The following ARHGAP26 variants were observed in gnomAD, a reference collection of about 807,000 sequenced individuals.
The protein encoded by ARHGAP26 is rho GTPase-activating protein 26.
A neutral mutation model predicts 104.8 loss-of-function variants in ARHGAP26; 38 were observed. The ratio of observed to expected loss-of-function variants is 0.36; its 90% CI spans 0.28 to 0.48. ARHGAP26 has a LOEUF of 0.48. Ranked by LOEUF, ARHGAP26 falls within the 20% of genes least tolerant of loss-of-function variation. The pLI, the probability that ARHGAP26 is intolerant of heterozygous loss-of-function variation, is 0.99. For missense variants in ARHGAP26, 704 were observed against 947.9 expected, an observed-to-expected ratio of 0.74 and a Z score of 3.38; for synonymous variants, 341 against 340.0, an observed-to-expected ratio of 1.00 and a Z score of -0.03.
chr5:142,927,095 A>G lies in ARHGAP26; in HGVS notation c.1029-4952A>G, dbSNP rs543554118. Reference sequence around the variant, plus strand: ...CGTGGTTATACATCTAGGAAGCACTAGAATCAGGATAACTAGTGAGCCTAA... The same window carrying G: ...CGTGGTTATACATCTAGGAAGCACTGGAATCAGGATAACTAGTGAGCCTAA... On this transcript the variant is annotated intron_variant, in intron 10 of 22. Transcript: ENST00000645722. 2.0e-5 allele frequency among the ~76,000 whole-genome samples: 3 copies of G among 152,308 alleles called. No individual in the cohort carries two copies. In the South Asian group the frequency reaches 6.2e-4, roughly 32 times the overall value.
Position 143,200,794 on chromosome 5 carries a change from C to G in ARHGAP26, c.1989-6404C>G, listed in dbSNP as rs548598854. Among the ~76,000 whole-genome samples the G allele has an allele frequency of 2.0e-4, 30 of 152,300 alleles. No homozygotes were observed. The South Asian group carries it at 6.0e-3, about 31-fold the overall frequency. On this transcript the variant is annotated intron_variant, in intron 20 of 22. Transcript: ENST00000645722. The stretch of plus-strand genomic sequence containing the variant: ...TCAGCTTACTCCTCCAGTTACAGAA[C>G]CTCTCATCTTATAGCAGCTCTACTA...
intron 1 of ARHGAP26, among the ~76,000 whole-genome samples, chr5:142,788,412 T>C (rs1759101752): frequency 6.6e-6 from 1 of 152,180 alleles, no homozygotes; most frequent in Admixed American, 6.5e-5. Flanking sequence ...AGAAGATACA[T>C]TACCAGAGTG....
intron 10 of ARHGAP26, among the ~76,000 whole-genome samples, chr5:142,915,867 G>A (rs1286076004): frequency 1.3e-5 from 2 of 152,100 alleles, no homozygotes; most frequent in Non-Finnish European, 2.9e-5. Context: ...TTCATGCGCT[G>A]GGTAGCTGCA....
intron 17 of ARHGAP26, among the ~76,000 whole-genome samples, chr5:143,095,692 C>T (rs1479986561): frequency 1.3e-5 from 2 of 152,206 alleles, no homozygotes; most frequent in Non-Finnish European, 2.9e-5. Flanking sequence ...CATGCCTCAG[C>T]CTCCTGGGTA....
chr5:143,116,421 C>T (rs1461288275), intron 17 of ARHGAP26, among the ~76,000 whole-genome samples: 1 of 152,126 alleles, frequency 6.6e-6, no homozygotes, highest in African/African-American at 2.4e-5. Flanking sequence ...CAACATAACA[C>T]TCTAGGCCTC....
chr5:143,094,655 G>T (rs1192174045), intron 17 of ARHGAP26, among the ~76,000 whole-genome samples: 1 of 152,254 alleles, frequency 6.6e-6, no homozygotes, highest in African/African-American at 2.4e-5. Context: ...GGACAAGGGA[G>T]GGGAAAGCCT....
intron 1 of ARHGAP26, chr5:142,771,405 G>T (rs1439163865): frequency 1.6e-6 from 2 of 1,231,838 alleles, no homozygotes. Flanking sequence ...CTCCCTGTAC[G>T]CAGCTCCAGC....
At chr5:142,785,151 C>T (rs1179496400) in intron 1 of ARHGAP26, among the ~76,000 whole-genome samples, 12 of 151,578 alleles carry the variant, frequency 7.9e-5, no homozygotes, top group Admixed American at 5.3e-4. Flanking sequence ...AGGATGGTGT[C>T]GATCTCCTGA....
chr5:142,788,860 G>T (rs1041376305), intron 1 of ARHGAP26, among the ~76,000 whole-genome samples: 2 of 152,186 alleles, frequency 1.3e-5, no homozygotes, highest in African/African-American at 4.8e-5. Flanking sequence ...AGTGTTTTCT[G>T]TGAGTCAGAT....
At chr5:142,953,304 A>G (rs2152621280) in intron 11 of ARHGAP26, among the ~76,000 whole-genome samples, 1 of 152,330 alleles carries the variant, frequency 6.6e-6, no homozygotes, top group Non-Finnish European at 1.5e-5. Flanking sequence ...GAGAGAGTCA[A>G]CAAGCAAACA....
chr5:143,048,202 C>G (rs1233269291), intron 14 of ARHGAP26, among the ~76,000 whole-genome samples: 1 of 152,034 alleles, frequency 6.6e-6, no homozygotes, highest in Non-Finnish European at 1.5e-5. Context: ...ACTATATTTT[C>G]AATATGTTTT....
intron 14 of ARHGAP26, among the ~76,000 whole-genome samples, chr5:143,050,839 A>G (rs775542151): frequency 6.6e-6 from 1 of 152,154 alleles, no homozygotes; most frequent in Non-Finnish European, 1.5e-5. Context: ...TACTAATCAC[A>G]ATCCTGAGTC....
intron 12 of ARHGAP26, among the ~76,000 whole-genome samples, chr5:143,026,285 T>G (rs1781052789): frequency 6.6e-6 from 1 of 152,196 alleles, no homozygotes; most frequent in Admixed American, 6.5e-5. Flanking sequence ...TCTGCTCTCA[T>G]GGAGCATATA....
chr5:143,030,527 C>A (rs1463252215), intron 12 of ARHGAP26, among the ~76,000 whole-genome samples: 2 of 152,192 alleles, frequency 1.3e-5, no homozygotes, highest in Non-Finnish European at 2.9e-5. Flanking sequence ...AGGTGGCATG[C>A]CTGTATTGAT....
At chr5:142,900,900 C>A (rs150316837) in intron 6 of ARHGAP26, among the ~76,000 whole-genome samples, 3 of 152,012 alleles carry the variant, frequency 2.0e-5, no homozygotes, top group African/African-American at 7.2e-5. Context: ...CTTCAGAAGC[C>A]GAAGTTAATG....
intron 3 of ARHGAP26, among the ~76,000 whole-genome samples, chr5:142,877,203 C>T (rs1377049903): frequency 1.3e-5 from 2 of 152,164 alleles, no homozygotes; most frequent in Non-Finnish European, 2.9e-5. Context: ...AGTATCTGGC[C>T]GTAGCAAGCC....
At chr5:143,101,931 C>T (rs759784765) in intron 17 of ARHGAP26, among the ~76,000 whole-genome samples, 34 of 150,460 alleles carry the variant, frequency 2.3e-4, no homozygotes, top group Non-Finnish European at 4.3e-4. Context: ...ACTATGGCAA[C>T]AGGTTCTATT....
Position 143,137,136 on chromosome 5 carries a change from G to A in ARHGAP26, c.1837+3031G>A, listed in dbSNP as rs375320297. 1.1e-4 allele frequency among the ~76,000 whole-genome samples: 16 copies of A among 152,264 alleles called. No individual in the cohort carries two copies. In the East Asian group the frequency reaches 1.3e-3, roughly 13 times the overall value. On this transcript the variant is annotated intron_variant, in intron 19 of 22. Coordinates refer to ENST00000645722, the MANE Select transcript of ARHGAP26 (RefSeq NM_001135608.3). ...AGAACACGACTTCAATGGTCTCACT[G>A]TATTATTCTCTAATATATGTTAAAA...
chr5:142,989,014 G>A (rs1421176536), intron 11 of ARHGAP26, among the ~76,000 whole-genome samples: 1 of 152,132 alleles, frequency 6.6e-6, no homozygotes. Flanking sequence ...GGTCTGCTTG[G>A]TGCAGAGCTG....
Sources: allele counts gnomAD v4.1 joint callset (sites outside exome capture counted in the v4.1 genomes callset), GRCh38; gene constraint gnomAD v4.1.1; transcripts MANE v1.5; gene names NCBI Gene and HGNC (gene_info 2026-07-23, HGNC 2026-07-21).